The following GRM5 variants were observed in gnomAD, a reference collection of about 807,000 sequenced individuals.
GRM5 encodes metabotropic glutamate receptor 5.
A neutral mutation model predicts 83.1 loss-of-function variants in GRM5; 19 were observed. That is an observed-to-expected ratio of 0.23 (90% confidence interval 0.16 to 0.34). The LOEUF (loss-of-function observed/expected upper bound fraction) is 0.34, where lower values mean the gene tolerates loss of function less well. Among genes scored for constraint, GRM5 ranks in the 10% least tolerant of loss-of-function variants. GRM5 has a pLI of 1.00. For synonymous variants in GRM5, 675 were observed against 633.6 expected, an observed-to-expected ratio of 1.07 and a Z score of -0.98; for missense variants, 1,160 against 1,588.3, an observed-to-expected ratio of 0.73 and a Z score of 4.58.
intron 2 of GRM5, among the ~76,000 whole-genome samples, chr11:88,937,788 T>C (rs1340363466): frequency 4.0e-5 from 6 of 151,830 alleles, no homozygotes; most frequent in African/African-American, 1.4e-4. Flanking sequence ...GAAGAGGTGT[T>C]TGTTATATTC....
chr11:88,999,350 G>T (rs1940295099), intron 2 of GRM5, among the ~76,000 whole-genome samples: 1 of 152,104 alleles, frequency 6.6e-6, no homozygotes, highest in South Asian at 2.1e-4. Context: ...CTTACAAAGG[G>T]CTAACAATAT....
intron 3 of GRM5, among the ~76,000 whole-genome samples, chr11:88,828,732 C>T (rs1401108373): frequency 1.3e-5 from 2 of 151,930 alleles, no homozygotes; most frequent in Non-Finnish European, 2.9e-5. Context: ...AATTATTGTG[C>T]ATGTTTAAAA....
At chr11:88,590,874 A>G in intron 6 of GRM5, 147 bp from the exon 7 acceptor site, 1 of 502,424 alleles carries the variant, frequency 2.0e-6, no homozygotes, top group Non-Finnish European at 3.5e-6. Flanking sequence ...AATTTTTAAT[A>G]TTAATTTATA....
chr11:88,969,534 A>G (rs546121732), intron 2 of GRM5, among the ~76,000 whole-genome samples: 1 of 152,236 alleles, frequency 6.6e-6, no homozygotes, highest in Non-Finnish European at 1.5e-5. Flanking sequence ...GGGTACTAAC[A>G]AAATAGAGTA....
chr11:88,978,865 T>G (rs1939431078), intron 2 of GRM5, among the ~76,000 whole-genome samples: 1 of 152,130 alleles, frequency 6.6e-6, no homozygotes. Context: ...AAGACACACA[T>G]TCAGTGAGTG....
intron 2 of GRM5, among the ~76,000 whole-genome samples, chr11:89,016,777 G>A (rs1350654336): frequency 3.9e-5 from 6 of 152,084 alleles, no homozygotes; most frequent in African/African-American, 9.7e-5. Flanking sequence ...TTTAGTATAT[G>A]CATACTAAGG....
At chr11:88,861,328 C>T (rs1422469900) in intron 2 of GRM5, among the ~76,000 whole-genome samples, 1 of 152,158 alleles carries the variant, frequency 6.6e-6, no homozygotes, top group East Asian at 1.9e-4. Flanking sequence ...AGATCAAATA[C>T]ACTAGGCTTT....
At chr11:89,012,209 A>C (rs1341375144) in intron 2 of GRM5, among the ~76,000 whole-genome samples, 1 of 152,252 alleles carries the variant, frequency 6.6e-6, no homozygotes, top group African/African-American at 2.4e-5. Flanking sequence ...AAAAATAAAC[A>C]GCAAAGTAAG....
At chr11:88,899,684 T>C (rs1945286162) in intron 2 of GRM5, among the ~76,000 whole-genome samples, 1 of 151,872 alleles carries the variant, frequency 6.6e-6, no homozygotes, top group African/African-American at 2.4e-5. Flanking sequence ...TCTTGTATTA[T>C]CCTGAAAAAA....
chr11:89,047,112 A>G lies in GRM5; in HGVS notation c.661+100T>C, dbSNP rs1941657792. The G allele has an allele frequency of 1.1e-6, 1 of 927,352 alleles. No individual in the cohort carries two copies. Among genetic ancestry groups the G allele is most frequent in the East Asian group, 2.4e-5 (1 of 41,410 alleles). 57.4% of individuals were successfully genotyped at this position (927,352 alleles called of 1,614,324 possible). On this transcript the variant is annotated intron_variant, in intron 2 of 9. Coordinates refer to ENST00000305447, the MANE Select transcript of GRM5 (RefSeq NM_001143831.3). This position sits in a 1 kb window ranked among gnomAD's most constrained non-coding sequence, Gnocchi z 5.1. ...ACTGGTATAACTCGGACAATTCAAA[A>G]TATCCAAAATAATTAGGAATAGTTT...
At chr11:88,627,175 T>C (rs961013878) in intron 4 of GRM5, among the ~76,000 whole-genome samples, 4 of 152,214 alleles carry the variant, frequency 2.6e-5, no homozygotes, top group Non-Finnish European at 4.4e-5. Flanking sequence ...TCCAGTGTCA[T>C]AGAGCTATTA....
intron 2 of GRM5, among the ~76,000 whole-genome samples, chr11:89,004,932 A>C (rs990366545): frequency 1.8e-4 from 27 of 152,298 alleles, no homozygotes; most frequent in African/African-American, 6.3e-4. Flanking sequence ...CAGTCTAATC[A>C]AGAACTCTAA....
intron 3 of GRM5, among the ~76,000 whole-genome samples, chr11:88,741,290 A>G (rs1942022452): frequency 6.6e-6 from 1 of 152,060 alleles, no homozygotes; most frequent in African/African-American, 2.4e-5. Context: ...GGACCAGTAC[A>G]GTAGGGAGAA....
chr11:88,891,937 T>C (rs1351332615), intron 2 of GRM5, among the ~76,000 whole-genome samples: 3 of 152,064 alleles, frequency 2.0e-5, no homozygotes, highest in Non-Finnish European at 4.4e-5. Flanking sequence ...TTTTTGACTT[T>C]TGCTTAGAAT....
chr11:88,916,353 G>A (rs540148857), intron 2 of GRM5, among the ~76,000 whole-genome samples: 1 of 152,112 alleles, frequency 6.6e-6, no homozygotes, highest in African/African-American at 2.4e-5. Context: ...TGTATGCTTG[G>A]TAGAAGGAGA....
chr11:88,975,987 G>A (rs1451168433), intron 2 of GRM5, among the ~76,000 whole-genome samples: 2 of 152,174 alleles, frequency 1.3e-5, no homozygotes, highest in Non-Finnish European at 2.9e-5. Flanking sequence ...ATGGTCTCAC[G>A]TTGGTTTTAC....
intron 7 of GRM5, among the ~76,000 whole-genome samples, chr11:88,572,668 C>T (rs1943027804): frequency 6.6e-6 from 1 of 152,076 alleles, no homozygotes; most frequent in Admixed American, 6.6e-5. Flanking sequence ...TCAGTGATAA[C>T]TACCCTTACT....
chr11:89,012,735 A>G (rs1940738742), intron 2 of GRM5, among the ~76,000 whole-genome samples: 1 of 152,204 alleles, frequency 6.6e-6, no homozygotes, highest in Non-Finnish European at 1.5e-5. Context: ...ACCAAACATT[A>G]ACGTTAAAAG....
Position 89,038,123 on chromosome 11 carries a change from C to T in GRM5, c.661+9089G>A, listed in dbSNP as rs570729274. On this transcript the variant is annotated intron_variant, in intron 2 of 9. Coordinates refer to ENST00000305447, the MANE Select transcript of GRM5 (RefSeq NM_001143831.3). ...ATTTGAAAAAAAAGAAAAACACCGA[C>T]TAGATAATCTCTTTCTTTAGAATCT... is the stretch of plus-strand genomic sequence containing the variant. Among the ~76,000 whole-genome samples, 21 of 149,724 alleles carry T rather than the reference C, an allele frequency of 1.4e-4. No homozygotes were observed. The South Asian group carries it at 3.6e-3, about 25-fold the overall frequency.
Sources: allele counts gnomAD v4.1 joint callset (sites outside exome capture counted in the v4.1 genomes callset), GRCh38; gene constraint gnomAD v4.1.1; non-coding constraint Gnocchi (gnomAD v3.1); transcripts MANE v1.5; gene names NCBI Gene and HGNC (gene_info 2026-07-23, HGNC 2026-07-21).